Variants in ANXA6 observed in about 807,000 individuals in gnomAD.
ANXA6 encodes annexin A6.
ANXA6 carries 71 observed loss-of-function variants against 95.4 expected under a neutral mutation model. That is an observed-to-expected ratio of 0.74 (90% CI 0.61 to 0.91). The LOEUF (loss-of-function observed/expected upper bound fraction) is 0.91, where lower values mean the gene tolerates loss of function less well. ANXA6 is among the 40% of genes least tolerant of loss of function. The pLI is 0.00. For missense variants in ANXA6, 830 were observed against 876.4 expected, an observed-to-expected ratio of 0.95 and a Z score of 0.67; for synonymous variants, 289 against 315.9, an observed-to-expected ratio of 0.91 and a Z score of 0.90.
chr5:151,122,662 T>C (rs1581992828), intron 16 of ANXA6, among the ~76,000 whole-genome samples: 1 of 152,186 alleles, frequency 6.6e-6, no homozygotes, highest in South Asian at 2.1e-4. Context: ...ATAGCCCTGA[T>C]CTTGGCCCCA....
At chr5:151,117,016 C>T in intron 20 of ANXA6, 111 bp downstream of exon 20, 2 of 991,298 alleles carry the variant, frequency 2.0e-6, no homozygotes, top group Non-Finnish European at 1.4e-6. Context: ...CCAACCACGC[C>T]CCTGCCAGGA....
rs1337624228 is a variant in ANXA6, at chr5:151,103,648, GGA to G, written c.1882_1883del (p.Ser628ProfsTer3). 1 of 1,611,094 alleles carries G rather than the reference GGA, an allele frequency of 6.2e-7. No homozygotes were observed. The highest frequency in any genetic ancestry group is 1.7e-5 in the Admixed American group (1 of 59,634). On this transcript the variant is annotated frameshift_variant, in exon 25 of 26. Coordinates refer to ENST00000354546, the MANE Select transcript of ANXA6 (RefSeq NM_001155.5). LOFTEE classifies it high-confidence loss of function. ...DEKTLTRIMV[S>X]RSEIDLLNIR... Reference sequence around the variant, plus strand: ...TGTTGAGCAGGTCAATCTCACTGCGGGATACCATGATCCTGGTCAGAGTCTTC... The same window carrying G: ...TGTTGAGCAGGTCAATCTCACTGCGGTACCATGATCCTGGTCAGAGTCTTC...
At chr5:151,146,014 G>C (rs1033477837) in intron 2 of ANXA6, among the ~76,000 whole-genome samples, 4 of 152,102 alleles carry the variant, frequency 2.6e-5, no homozygotes, top group African/African-American at 9.7e-5. Flanking sequence ...AGAACACTGT[G>C]CATGGAGGGT....
intron 23 of ANXA6, among the ~76,000 whole-genome samples, chr5:151,105,640 A>C (rs914695880): frequency 6.6e-6 from 1 of 152,206 alleles, no homozygotes; most frequent in Non-Finnish European, 1.5e-5. Flanking sequence ...TCACCCAAAA[A>C]GCTTGTTTAA....
At position 151,139,451 on chromosome 5, in the gene ANXA6, G is replaced by C; in HGVS notation, c.110-4C>G. The C allele has an allele frequency of 3.1e-6, 5 of 1,607,388 alleles. No homozygotes were observed. The highest frequency in any genetic ancestry group is 2.6e-6 in the Non-Finnish European group (3 of 1,174,258). On this transcript the variant is annotated splice_polypyrimidine_tract_variant and splice_region_variant and intron_variant, in intron 3 of 25. Coordinates refer to ENST00000354546, the MANE Select transcript of ANXA6 (RefSeq NM_001155.5). ...AGTATGGCCTCCTTGTCACTGCCTGGAATAGGGGAGAGCAATCATCATCCT... is the reference window on the plus strand; with the variant it reads ...AGTATGGCCTCCTTGTCACTGCCTGCAATAGGGGAGAGCAATCATCATCCT...
intron 1 of ANXA6, chr5:151,155,684 G>A (rs1363772011): frequency 6.6e-6 from 1 of 152,242 alleles, no homozygotes; most frequent in Non-Finnish European, 1.5e-5. Context: ...TGATTCCACT[G>A]GGCCTCCCCA....
At chr5:151,117,233 T>C in intron 19 of ANXA6, 53 bp from the exon 20 acceptor site, 1 of 1,519,818 alleles carries the variant, frequency 6.6e-7, no homozygotes, top group Non-Finnish European at 8.9e-7. Context: ...CCCATCTCCA[T>C]CTCTGTACCA....
intron 7 of ANXA6, among the ~76,000 whole-genome samples, chr5:151,135,121 G>T (rs1105768): frequency 0.082 from 12,426 of 152,240 alleles, 647 homozygotes; most frequent in South Asian, 0.11. Flanking sequence ...CGTGGGCAGA[G>T]GTCTGCAGGT....
chr5:151,128,318 C>T (rs969610923), intron 12 of ANXA6, 79 bp from the exon 13 acceptor site: 10 of 1,256,466 alleles, frequency 8.0e-6, no homozygotes, highest in Admixed American at 5.9e-5. Context: ...TTCTGCACAG[C>T]CTGAAAGAGG....
At chr5:151,153,623 C>G (rs538630901) in intron 1 of ANXA6, among the ~76,000 whole-genome samples, 28 of 152,176 alleles carry the variant, frequency 1.8e-4, no homozygotes, top group Non-Finnish European at 4.1e-4. Context: ...TTGTCTGACT[C>G]GAGACTTTCA....
chr5:151,101,480 C>T lies in ANXA6; in HGVS notation c.1990G>A (p.Ala664Thr), dbSNP rs1764548868. The T allele has an allele frequency of 1.3e-6, 2 of 1,561,706 alleles. No individual in the cohort carries two copies. Among genetic ancestry groups the T allele is most frequent in the Admixed American group, 3.8e-5 (2 of 52,372 alleles). ...EGDTSGDFLKALLALCGGED is the reference protein window; with the variant it reads ...EGDTSGDFLKTLLALCGGED Reference sequence around the variant, plus strand: ...TCACCACCACAGAGAGCCAGCAAGGCCTTCAGGAAGTCTCCGGAGGTGTCA... The same window carrying T: ...TCACCACCACAGAGAGCCAGCAAGGTCTTCAGGAAGTCTCCGGAGGTGTCA... The change falls in exon 26 of 26, where the codon GCC becomes ACC. Residue 664 changes from alanine to threonine, a missense_variant. By Grantham distance (58) the Ala-to-Thr change is moderately conservative (BLOSUM62 0). Coordinates refer to ENST00000354546, the MANE Select transcript of ANXA6 (RefSeq NM_001155.5).
In ANXA6 at chr5:151,143,799, G is replaced by A. The variant is rs539576480; in HGVS notation, c.19-3556C>T. Reference sequence around the variant, plus strand: ...CATAAATGGATGGATGAATGACTGCGAATATATTCCAAGCAGATCAGAGAA... The same window carrying A: ...CATAAATGGATGGATGAATGACTGCAAATATATTCCAAGCAGATCAGAGAA... On this transcript the variant is annotated intron_variant, in intron 2 of 25. Coordinates refer to ENST00000354546, the MANE Select transcript of ANXA6 (RefSeq NM_001155.5). Among the ~76,000 whole-genome samples the A allele has an allele frequency of 3.9e-5, 6 of 152,164 alleles. No homozygotes were observed. The East Asian group carries it at 5.8e-4, about 15-fold the overall frequency.
intron 2 of ANXA6, among the ~76,000 whole-genome samples, chr5:151,142,076 G>T (rs1260582503): frequency 6.6e-6 from 1 of 152,216 alleles, no homozygotes; most frequent in Admixed American, 6.5e-5. Flanking sequence ...AACAACTGGG[G>T]TCCTCCAGGA....
intron 10 of ANXA6, 57 bp from the exon 11 acceptor site, chr5:151,131,346 A>G: frequency 6.4e-7 from 1 of 1,555,482 alleles, no homozygotes; most frequent in Non-Finnish European, 8.9e-7. Context: ...GGGGGATGGG[A>G]TGGCCTGACT....
At chr5:151,142,208 A>T (rs1222116398) in intron 2 of ANXA6, among the ~76,000 whole-genome samples, 1 of 152,274 alleles carries the variant, frequency 6.6e-6, no homozygotes, top group African/African-American at 2.4e-5. Flanking sequence ...GCCTGGGCAC[A>T]GTGGCTCATG....
chr5:151,103,636 A>G lies in ANXA6; in HGVS notation c.1896T>C (p.Ile632=). Residue 632 remains isoleucine (I), a synonymous_variant, in exon 25 of 26, where the codon ATT becomes ATC. Coordinates refer to ENST00000354546, the MANE Select transcript of ANXA6 (RefSeq NM_001155.5). ...ATTCCCTCCGGATGTTGAGCAGGTCAATCTCACTGCGGGATACCATGATCC... is the reference window on the plus strand; with the variant it reads ...ATTCCCTCCGGATGTTGAGCAGGTCGATCTCACTGCGGGATACCATGATCC... ...LTRIMVSRSE[I]DLLNIRREFI... 6.2e-7 allele frequency: 1 copy of G among 1,611,838 alleles called. No homozygotes were observed. The highest frequency in any genetic ancestry group is 1.7e-5 in the Admixed American group (1 of 59,714).
chr5:151,129,557 T>C, intron 11 of ANXA6, 28 bp from the exon 12 acceptor site: 3 of 1,581,576 alleles, frequency 1.9e-6, no homozygotes, highest in Non-Finnish European at 2.6e-6. Flanking sequence ...TTGGGGAACA[T>C]GGACTTGAGA....
chr5:151,131,761 C>A (rs1008818887), intron 10 of ANXA6, among the ~76,000 whole-genome samples: 1 of 152,062 alleles, frequency 6.6e-6, no homozygotes, highest in African/African-American at 2.4e-5. Context: ...CTGCAGGTTT[C>A]CCCCAAGAAA....
At chr5:151,136,763 C>T (rs1765675095) in intron 6 of ANXA6, among the ~76,000 whole-genome samples, 1 of 152,224 alleles carries the variant, frequency 6.6e-6, no homozygotes, top group South Asian at 2.1e-4. Context: ...TGTCCTCTAC[C>T]TGTCTAGCCT....
Sources: gnomAD v4.1 joint callset for allele counts (sites outside exome capture counted in the v4.1 genomes callset) on GRCh38, gnomAD v4.1.1 for gene constraint, MANE v1.5 for transcripts, NCBI Gene and HGNC (gene_info 2026-07-23, HGNC 2026-07-21) for gene names.